METTL9: variants seen among roughly 807,000 people sequenced by gnomAD.
METTL9 encodes methyltransferase 9, His-X-His N1(pi)-histidine, also known as protein-L-histidine N-pros-methyltransferase.
METTL9 carries 10 observed loss-of-function variants against 36.0 expected under a neutral mutation model. That is an observed-to-expected ratio of 0.28 (90% confidence interval 0.17 to 0.47). The LOEUF is 0.47. METTL9 is among the 20% of genes least tolerant of loss of function. METTL9 has a pLI of 0.99. For missense variants in METTL9, 246 were observed against 383.5 expected (o/e 0.64, Z 3.00); for synonymous variants, 175 against 149.7 (o/e 1.17, Z -1.23).
chr16:21,613,470 C>T (rs780706285), intron 2 of METTL9, among the ~76,000 whole-genome samples: 17 of 152,140 alleles, frequency 1.1e-4, no homozygotes, highest in South Asian at 1.0e-3. Flanking sequence ...GGAGCCACTG[C>T]ACCTGGAGAG....
intron 1 of METTL9, among the ~76,000 whole-genome samples, chr16:21,608,205 C>A (rs936654079): frequency 1.3e-5 from 2 of 152,112 alleles, no homozygotes; most frequent in African/African-American, 4.8e-5. Context: ...AGACAAGCCA[C>A]CCAGTGCTGC....
intron 4 of METTL9, chr16:21,652,284 C>T (rs1966597286): frequency 2.7e-6 from 1 of 365,912 alleles, no homozygotes; most frequent in Non-Finnish European, 4.8e-6. Flanking sequence ...TATTTTCAAC[C>T]CTTTGGTCAG....
intron 1 of METTL9, among the ~76,000 whole-genome samples, chr16:21,607,081 T>A (rs1170994736): frequency 1.4e-5 from 2 of 141,138 alleles, no homozygotes; most frequent in Non-Finnish European, 3.2e-5. Context: ...TAATGAGAAA[T>A]TTTTTTTTTT....
chr16:21,632,184 T>C (rs771596733), intron 4 of METTL9, among the ~76,000 whole-genome samples: 1 of 151,852 alleles, frequency 6.6e-6, no homozygotes. Flanking sequence ...TTAATGGGGG[T>C]TCCCCCCAGA....
intron 4 of METTL9, chr16:21,646,425 C>G (rs368603238): frequency 3.7e-4 from 56 of 152,562 alleles, no homozygotes; most frequent in African/African-American, 1.3e-3. Flanking sequence ...ATTTATTGAT[C>G]TTTTACACTT....
chr16:21,646,036 A>G (rs1323294476), intron 4 of METTL9, among the ~76,000 whole-genome samples: 1 of 152,172 alleles, frequency 6.6e-6, no homozygotes, highest in Non-Finnish European at 1.5e-5. Flanking sequence ...TTCATGTTTT[A>G]ACAATCTCTG....
chr16:21,642,471 C>T (rs1406629269), intron 4 of METTL9: 2 of 152,144 alleles, frequency 1.3e-5, no homozygotes, highest in Non-Finnish European at 2.9e-5. Context: ...TCTCATCATG[C>T]ATCATGGAAA....
chr16:21,622,040 A>G (rs930187092), intron 3 of METTL9, among the ~76,000 whole-genome samples: 5 of 148,350 alleles, frequency 3.4e-5, no homozygotes, highest in Non-Finnish European at 7.4e-5. Flanking sequence ...ATGGGGTTTC[A>G]CTGTGTTGCC....
intron 1 of METTL9, among the ~76,000 whole-genome samples, chr16:21,606,714 C>G (rs1965297707): frequency 6.6e-6 from 1 of 152,128 alleles, no homozygotes; most frequent in South Asian, 2.1e-4. Flanking sequence ...AAAAGATACT[C>G]TTATTACCCT....
intron 4 of METTL9, among the ~76,000 whole-genome samples, chr16:21,642,580 A>G (rs1187697647): frequency 6.6e-6 from 1 of 152,230 alleles, no homozygotes; most frequent in African/African-American, 2.4e-5. Context: ...TTATAGATAT[A>G]CATGTATTCT....
intron 2 of METTL9, among the ~76,000 whole-genome samples, chr16:21,616,071 A>G (rs1487188716): frequency 2.0e-5 from 3 of 152,136 alleles, no homozygotes; most frequent in Non-Finnish European, 4.4e-5. Flanking sequence ...GAACTCCATT[A>G]TTTGTATTTT....
chr16:21,629,935 C>G (rs926881542), intron 4 of METTL9, among the ~76,000 whole-genome samples: 1 of 152,026 alleles, frequency 6.6e-6, no homozygotes, highest in African/African-American at 2.4e-5. Flanking sequence ...GTTTACAATC[C>G]CTTAGCAAGA....
intron 3 of METTL9, among the ~76,000 whole-genome samples, chr16:21,623,793 A>T (rs1465618268): frequency 6.6e-6 from 1 of 151,866 alleles, no homozygotes; most frequent in East Asian, 1.9e-4. Context: ...TTGTTTTGAG[A>T]TGGAGTCTGG....
intron 3 of METTL9, among the ~76,000 whole-genome samples, chr16:21,623,118 A>G (rs980999415): frequency 6.6e-6 from 1 of 152,186 alleles, no homozygotes; most frequent in African/African-American, 2.4e-5. Context: ...CAAAATTGCT[A>G]TTACAGTTGA....
At chr16:21,617,805 G>A (rs1307883973) in intron 2 of METTL9, 60 bp from the exon 3 acceptor site, 18 of 1,353,444 alleles carry the variant, frequency 1.3e-5, no homozygotes, top group East Asian at 2.3e-5. Flanking sequence ...CTTTGTGTGT[G>A]TATGTGAGGG....
At chr16:21,645,745 G>A (rs1006811122) in intron 4 of METTL9, among the ~76,000 whole-genome samples, 1 of 152,142 alleles carries the variant, frequency 6.6e-6, no homozygotes, top group Non-Finnish European at 1.5e-5. Flanking sequence ...GTTTTTAGAA[G>A]GCTAATGCAG....
intron 2 of METTL9, among the ~76,000 whole-genome samples, chr16:21,616,220 A>G (rs1255198706): frequency 6.6e-6 from 1 of 152,200 alleles, no homozygotes; most frequent in Non-Finnish European, 1.5e-5. Flanking sequence ...TTCCTGGACC[A>G]GTGGTCCCCA....
intron 4 of METTL9, among the ~76,000 whole-genome samples, chr16:21,634,162 C>T (rs909196148): frequency 6.6e-6 from 1 of 152,136 alleles, no homozygotes; most frequent in African/African-American, 2.4e-5. Context: ...GGTAACGGAC[C>T]TTGAGGACAG....
chr16:21,601,246 C>T (rs1965118101), intron 1 of METTL9, among the ~76,000 whole-genome samples: 1 of 152,136 alleles, frequency 6.6e-6, no homozygotes, highest in Non-Finnish European at 1.5e-5. Context: ...TATTTGCTTA[C>T]ACTAGTTCAT....
Sources: gnomAD v4.1 joint callset for allele counts (sites outside exome capture counted in the v4.1 genomes callset) on GRCh38, gnomAD v4.1.1 for gene constraint, MANE v1.5 for transcripts, NCBI Gene and HGNC (gene_info 2026-07-23, HGNC 2026-07-21) for gene names.